Variants in LRRC8D observed in about 807,000 individuals in gnomAD.
The protein encoded by LRRC8D is volume-regulated anion channel subunit LRRC8D.
Under a neutral mutation model 55.8 loss-of-function variants are expected in LRRC8D, and 20 were observed. The ratio of observed to expected loss-of-function variants is 0.36; its 90% CI spans 0.25 to 0.52. LRRC8D has a LOEUF of 0.52. Ranked by LOEUF, LRRC8D falls within the 20% of genes least tolerant of loss-of-function variation. The pLI, the probability that LRRC8D is intolerant of heterozygous loss-of-function variation, is 0.93. For synonymous variants in LRRC8D, 352 were observed against 377.0 expected (o/e 0.93, Z 0.77); for missense variants, 651 against 1,030.8 (o/e 0.63, Z 5.05).
chr1:89,927,845 T>C (rs1048271343), intron 2 of LRRC8D, among the ~76,000 whole-genome samples: 2 of 152,222 alleles, frequency 1.3e-5, no homozygotes, highest in African/African-American at 4.8e-5. Flanking sequence ...TCTATAAAAC[T>C]GGGAAGTTGT....
chr1:89,826,950 G>T (rs1660779287), intron 1 of LRRC8D, among the ~76,000 whole-genome samples: 1 of 152,174 alleles, frequency 6.6e-6, no homozygotes, highest in Non-Finnish European at 1.5e-5. Flanking sequence ...TCATAGGATG[G>T]TGTTTTGTTG....
intron 2 of LRRC8D, among the ~76,000 whole-genome samples, chr1:89,864,135 A>C (rs1007291215): frequency 6.6e-6 from 1 of 152,198 alleles, no homozygotes; most frequent in Non-Finnish European, 1.5e-5. Flanking sequence ...TGAGGATCAA[A>C]AGATTGGTCT....
Position 89,926,787 on chromosome 1 carries a change from C to A in LRRC8D, c.-2-6280C>A, listed in dbSNP as rs371414404. Among the ~76,000 whole-genome samples the A allele has an allele frequency of 9.9e-5, 15 of 152,224 alleles. 1 individual carries two copies. The highest frequency in any genetic ancestry group is 4.6e-4 in the Admixed American group (7 of 15,284). On this transcript the variant is annotated intron_variant, in intron 2 of 2. Coordinates refer to ENST00000337338, the MANE Select transcript of LRRC8D (RefSeq NM_001134479.2). ...GTAGCTTGCAAACCGAAAAGCACTG[C>A]AAACATGAGAAATAAAGAAGAAAAG... is the stretch of plus-strand genomic sequence containing the variant.
intron 2 of LRRC8D, among the ~76,000 whole-genome samples, chr1:89,899,431 G>GCA (rs1662793487): frequency 6.6e-6 from 1 of 152,236 alleles, no homozygotes; most frequent in Non-Finnish European, 1.5e-5. Context: ...GTCTGACAGT[G>GCA]TTGGCAGTTA....
At chr1:89,890,868 T>G (rs910655821) in intron 2 of LRRC8D, among the ~76,000 whole-genome samples, 2 of 152,068 alleles carry the variant, frequency 1.3e-5, no homozygotes, top group Admixed American at 1.3e-4. Flanking sequence ...TGATGATAGT[T>G]CCTCATTCTT....
At chr1:89,923,676 C>T (rs1005944834) in intron 2 of LRRC8D, among the ~76,000 whole-genome samples, 2 of 152,180 alleles carry the variant, frequency 1.3e-5, no homozygotes, top group African/African-American at 4.8e-5. Flanking sequence ...TATGTGACTT[C>T]AAACTATACT....
intron 2 of LRRC8D, among the ~76,000 whole-genome samples, chr1:89,922,628 C>T (rs17505638): frequency 0.15 from 22,148 of 152,152 alleles, 1,873 homozygotes; most frequent in Non-Finnish European, 0.2. Context: ...GTTCCTAATA[C>T]GTTACACTGT....
At chr1:89,910,386 T>C (rs1260804902) in intron 2 of LRRC8D, among the ~76,000 whole-genome samples, 2 of 152,236 alleles carry the variant, frequency 1.3e-5, no homozygotes, top group Non-Finnish European at 2.9e-5. Context: ...AATTGTCTTT[T>C]AAAAAGTGAG....
intron 2 of LRRC8D, among the ~76,000 whole-genome samples, chr1:89,902,900 TC>T (rs1473936082): frequency 1.3e-5 from 2 of 152,198 alleles, no homozygotes; most frequent in African/African-American, 4.8e-5. Flanking sequence ...ACTGTAATAA[TC>T]CCCATTTCTT....
At chr1:89,852,827 A>G (rs1661453835) in intron 2 of LRRC8D, among the ~76,000 whole-genome samples, 1 of 152,158 alleles carries the variant, frequency 6.6e-6, no homozygotes, top group African/African-American at 2.4e-5. Context: ...AATGTGGAAC[A>G]TGGACTAGGA....
chr1:89,828,146 G>A (rs1660807368), intron 1 of LRRC8D, among the ~76,000 whole-genome samples: 1 of 152,184 alleles, frequency 6.6e-6, no homozygotes, highest in Non-Finnish European at 1.5e-5. Flanking sequence ...AAACATTTGT[G>A]GCCAGCAAGC....
At chr1:89,849,895 T>C (rs1661369113) in intron 2 of LRRC8D, among the ~76,000 whole-genome samples, 1 of 152,190 alleles carries the variant, frequency 6.6e-6, no homozygotes, top group Non-Finnish European at 1.5e-5. Context: ...TTTAATGTAC[T>C]TGTCTCATCA....
At chr1:89,845,776 A>G (rs1570814633) in intron 2 of LRRC8D, among the ~76,000 whole-genome samples, 1 of 148,558 alleles carries the variant, frequency 6.7e-6, no homozygotes, top group Non-Finnish European at 1.5e-5. Context: ...TTTTGCAGCT[A>G]CTTTTTTTTT....
intron 2 of LRRC8D, among the ~76,000 whole-genome samples, chr1:89,861,394 A>G (rs1450685119): frequency 3.3e-5 from 5 of 152,182 alleles, no homozygotes; most frequent in African/African-American, 1.2e-4. Flanking sequence ...TTGTGATTCT[A>G]TAGTTTTTCA....
rs577968725 is a variant in LRRC8D at position 89,919,313 on chromosome 1, A to G, written c.-2-13754A>G. ...TCCAGCAATCTGTACCAAACCAGGA[A>G]TAAGGACTGACAGGCTCCCAGCTGT... On this transcript the variant is annotated intron_variant, in intron 2 of 2. Coordinates refer to ENST00000337338, the MANE Select transcript of LRRC8D (RefSeq NM_001134479.2). 3.3e-5 allele frequency among the ~76,000 whole-genome samples: 5 copies of G among 152,300 alleles called. No homozygotes were observed. In the South Asian group the frequency reaches 1.0e-3, roughly 32 times the overall value.
chr1:89,892,696 T>C (rs1046474183), intron 2 of LRRC8D, among the ~76,000 whole-genome samples: 1 of 152,070 alleles, frequency 6.6e-6, no homozygotes, highest in African/African-American at 2.4e-5. Flanking sequence ...TTTTTTTGTA[T>C]TTTTTAGTAG....
intron 2 of LRRC8D, among the ~76,000 whole-genome samples, chr1:89,925,204 T>A (rs546228685): frequency 2.0e-5 from 3 of 152,294 alleles, no homozygotes; most frequent in Admixed American, 6.5e-5. Flanking sequence ...GAACTGTGAA[T>A]TCAAGGGATC....
At chr1:89,883,516 G>T (rs1191214970) in intron 2 of LRRC8D, among the ~76,000 whole-genome samples, 1 of 152,136 alleles carries the variant, frequency 6.6e-6, no homozygotes, top group East Asian at 1.9e-4. Flanking sequence ...CTCATTGGGG[G>T]CCTGGTCAGC....
intron 2 of LRRC8D, among the ~76,000 whole-genome samples, chr1:89,928,556 A>G (rs1663624696): frequency 6.6e-6 from 1 of 152,172 alleles, no homozygotes; most frequent in African/African-American, 2.4e-5. Flanking sequence ...AGAGGAGCTC[A>G]TCTGAGGTTG....
Sources: allele counts gnomAD v4.1 joint callset (sites outside exome capture counted in the v4.1 genomes callset), GRCh38; gene constraint gnomAD v4.1.1; transcripts MANE v1.5; gene names NCBI Gene and HGNC (gene_info 2026-07-23, HGNC 2026-07-21).